CATSPERT: variants seen among roughly 807,000 people sequenced by gnomAD.
The protein encoded by CATSPERT is cation channel sperm-associated targeting subunit tau.
At chr2:201,545,093 C>T in the CATSPERT span, among the ~76,000 whole-genome samples, 9 of 152,062 alleles carry the variant, frequency 5.9e-5, no homozygotes, top group South Asian at 2.1e-4. Context: ...GCTGGAGTGC[C>T]GTGGCAAGAT....
chr2:201,601,822 T>C, the CATSPERT span: 1 of 1,611,186 alleles, frequency 6.2e-7, no homozygotes, highest in Non-Finnish European at 8.5e-7. Flanking sequence ...CACATTTTTG[T>C]ACATTTCACA....
At chr2:201,525,003 C>T in the CATSPERT span, among the ~76,000 whole-genome samples, 13 of 152,088 alleles carry the variant, frequency 8.5e-5, no homozygotes, top group Non-Finnish European at 1.6e-4. Context: ...CTTAGATAAC[C>T]ACACAAAAAC....
the CATSPERT span, among the ~76,000 whole-genome samples, chr2:201,579,765 CA>C: frequency 2.1e-3 from 317 of 151,762 alleles, no homozygotes; most frequent in African/African-American, 7.2e-3. Flanking sequence ...TATTGTTTAA[CA>C]TTTTCCCCTA....
At chr2:201,514,432 CAT>C in the CATSPERT span, among the ~76,000 whole-genome samples, 2 of 152,252 alleles carry the variant, frequency 1.3e-5, no homozygotes, top group South Asian at 2.1e-4. Context: ...TACTAAAAAA[CAT>C]ATGATCATAT....
At chr2:201,584,399 A>G in the CATSPERT span, among the ~76,000 whole-genome samples, 2 of 152,182 alleles carry the variant, frequency 1.3e-5, no homozygotes, top group Non-Finnish European at 2.9e-5. Context: ...AAGACATGGA[A>G]GATAGTGTAA....
At chr2:201,601,050 A>ATT in the CATSPERT span, among the ~76,000 whole-genome samples, 738 of 152,032 alleles carry the variant, frequency 4.9e-3, 3 homozygotes, top group Non-Finnish European at 8.0e-3. Context: ...GCGCCCAGCC[A>ATT]TTTTTTAAAA....
the CATSPERT span, chr2:201,550,247 C>T: frequency 6.6e-6 from 1 of 152,174 alleles, no homozygotes; most frequent in African/African-American, 2.4e-5. Context: ...CAGCTTTACG[C>T]CTATTGTACT....
At chr2:201,493,754 A>G in the CATSPERT span, 23 of 1,537,114 alleles carry the variant, frequency 1.5e-5, no homozygotes, top group East Asian at 2.2e-4. Context: ...CTCATAATGT[A>G]GTCATGTACA....
chr2:201,491,786 C>T, the CATSPERT span: 185 of 1,537,054 alleles, frequency 1.2e-4, 3 homozygotes, highest in African/African-American at 2.2e-3. Flanking sequence ...AGTGTCTTTT[C>T]ACACCAAGCT....
At chr2:201,545,442 A>AAAG in the CATSPERT span, 1 of 790,112 alleles carries the variant, frequency 1.3e-6, no homozygotes, top group Non-Finnish European at 2.0e-6. Flanking sequence ...TTCCTAACAA[A>AAAG]ACAGAAATCT....
chr2:201,582,081 C>A, the CATSPERT span: 1 of 1,592,010 alleles, frequency 6.3e-7, no homozygotes, highest in South Asian at 1.2e-5. Flanking sequence ...TGAAAAAAAT[C>A]ATTTTATACA....
the CATSPERT span, chr2:201,491,278 A>C: frequency 3.3e-6 from 5 of 1,537,658 alleles, no homozygotes; most frequent in Non-Finnish European, 4.4e-6. Flanking sequence ...TATCTTGTTA[A>C]ATGACTTTTT....
the CATSPERT span, chr2:201,534,752 G>T: frequency 1.4e-5 from 14 of 968,148 alleles, no homozygotes; most frequent in Non-Finnish European, 1.7e-5. Flanking sequence ...GATAATCACA[G>T]ATCCACAGAT....
the CATSPERT span, among the ~76,000 whole-genome samples, chr2:201,564,966 G>A: frequency 6.6e-6 from 1 of 151,882 alleles, no homozygotes; most frequent in African/African-American, 2.4e-5. Flanking sequence ...TTCCATAGTC[G>A]AGAAATAAAA....
At chr2:201,612,394 C>G in the CATSPERT span, among the ~76,000 whole-genome samples, 1 of 151,752 alleles carries the variant, frequency 6.6e-6, no homozygotes, top group Non-Finnish European at 1.5e-5. Flanking sequence ...ATCAACATGG[C>G]AAAACCCCAT....
At chr2:201,522,671 G>A in the CATSPERT span, among the ~76,000 whole-genome samples, 3 of 152,202 alleles carry the variant, frequency 2.0e-5, no homozygotes, top group African/African-American at 7.2e-5. Flanking sequence ...GAGCTGGCAG[G>A]GAGAGCTGCT....
At chr2:201,560,372 G>A in the CATSPERT span, among the ~76,000 whole-genome samples, 1 of 151,462 alleles carries the variant, frequency 6.6e-6, no homozygotes, top group African/African-American at 2.4e-5. Context: ...GCAGTGAGCC[G>A]AGATAGTACC....
At chr2:201,599,064 T>G in the CATSPERT span, among the ~76,000 whole-genome samples, 1 of 152,082 alleles carries the variant, frequency 6.6e-6, no homozygotes, top group Non-Finnish European at 1.5e-5. Flanking sequence ...GCCTAGACTC[T>G]CCCCTCACTC....
the CATSPERT span, chr2:201,545,655 A>AAAG: frequency 2.5e-6 from 2 of 811,950 alleles, no homozygotes; most frequent in Non-Finnish European, 3.5e-6. Context: ...AAAAAAAAAG[A>AAAG]AAAAAAAATA....
Sources: gnomAD v4.1 joint callset for allele counts (sites outside exome capture counted in the v4.1 genomes callset) on GRCh38, gnomAD v4.1.1 for gene constraint, MANE v1.5 for transcripts, NCBI Gene and HGNC (gene_info 2026-07-23, HGNC 2026-07-21) for gene names.